The following LSS variants were observed in gnomAD, a reference collection of about 807,000 sequenced individuals.
The protein encoded by LSS is 2,3-epoxysqualene-lanosterol cyclase.
LSS carries 90 observed loss-of-function variants against 110.3 expected under a neutral mutation model. That is an observed-to-expected ratio of 0.82 (90% CI 0.69 to 0.97). The LOEUF (loss-of-function observed/expected upper bound fraction) is 0.97. Ranked by LOEUF, LSS falls within the 50% of genes least tolerant of loss-of-function variation. The pLI is 0.00. For missense variants in LSS, 927 were observed against 990.0 expected, an observed-to-expected ratio of 0.94 and a Z score of 0.85; for synonymous variants, 433 against 400.0, an observed-to-expected ratio of 1.08 and a Z score of -0.98.
rs567962408 is a variant in LSS at position 46,216,414 on chromosome 21, T to C, written c.758A>G (p.Asp253Gly). The C allele has an allele frequency of 5.0e-6, 8 of 1,613,760 alleles. No individual in the cohort carries two copies. Among genetic ancestry groups the C allele is most frequent in the South Asian group, 4.4e-5 (4 of 91,076 alleles). Residue 253 changes from aspartate (D) to glycine (G), a missense_variant, in exon 7 of 22, where the codon GAC becomes GGC. By Grantham distance (94) the Asp-to-Gly change is moderately conservative. Transcript: ENST00000397728. The surrounding 1 kb of genome is among the most constrained non-coding windows in gnomAD (Gnocchi z 4.2). ...CTGGCGGAGGCTCTGGACCAGCGGG[T>C]CTTCCGCGGCACTCAGCCGAACGGC... ...CYAVRLSAAE[D>G]PLVQSLRQEL...
At chr21:46,199,905 A>C (rs529960495) in intron 17 of LSS, among the ~76,000 whole-genome samples, 1 of 152,214 alleles carries the variant, frequency 6.6e-6, no homozygotes, top group Non-Finnish European at 1.5e-5. Flanking sequence ...AGAATGAACA[A>C]CATGAAGAGG....
chr21:46,195,983 C>T (rs1254198454), intron 18 of LSS, among the ~76,000 whole-genome samples: 1 of 152,364 alleles, frequency 6.6e-6, no homozygotes, highest in African/African-American at 2.4e-5. Flanking sequence ...CCCAGCAGCC[C>T]GGCTGCGCCC....
rs538410861 is a variant in LSS, at chr21:46,209,231, G to A, written c.1266+323C>T. Among the ~76,000 whole-genome samples, 6 of 152,256 alleles carry A rather than the reference G, an allele frequency of 3.9e-5. No individual in the cohort carries two copies. The East Asian group carries it at 5.8e-4, about 15-fold the overall frequency. ...GGTGCTTCAGAGACATGGAGGTGCC[G>A]TGTAGGCTGTGCAGCTCAGGGTACA... On this transcript the variant is annotated intron_variant, in intron 13 of 21. Coordinates refer to ENST00000397728, the MANE Select transcript of LSS (RefSeq NM_002340.6). The surrounding 1 kb of genome is among the most constrained non-coding windows in gnomAD (Gnocchi z 4.4).
chr21:46,219,201 G>GC (rs1377814256), intron 6 of LSS, among the ~76,000 whole-genome samples: 1 of 152,154 alleles, frequency 6.6e-6, no homozygotes, highest in East Asian at 1.9e-4. Flanking sequence ...GTCTTCCACA[G>GC]CAAGAGGGAA....
rs538094597 is a variant in LSS, at chr21:46,209,722, C to T, written c.1195-97G>A. ...TGGTCCTGGCCACATCCTGCCCCAA[C>T]CGGGGACCAGAATCAAACCAGCAGA... On this transcript the variant is annotated intron_variant, in intron 12 of 21. Coordinates refer to ENST00000397728, the MANE Select transcript of LSS (RefSeq NM_002340.6). The surrounding 1 kb of genome is among the most constrained non-coding windows in gnomAD (Gnocchi z 4.4). 57 of 1,022,118 alleles carry T rather than the reference C, an allele frequency of 5.6e-5. 1 individual carries two copies. The South Asian group carries it at 8.0e-4, about 14-fold the overall frequency. 63.3% of individuals were successfully genotyped at this position (1,022,118 alleles called of 1,614,324 possible).
chr21:46,209,964 C>G lies in LSS; in HGVS notation c.1195-339G>C, dbSNP rs576277830. ...AGCCCTCAGGGCTCTCCAGAAACAC[C>G]TTCAGAATCCCACCTACCTCATTCC... On this transcript the variant is annotated intron_variant, in intron 12 of 21. Coordinates refer to ENST00000397728, the MANE Select transcript of LSS (RefSeq NM_002340.6). The surrounding 1 kb of genome is among the most constrained non-coding windows in gnomAD (Gnocchi z 4.4). Among the ~76,000 whole-genome samples the G allele has an allele frequency of 5.1e-4, 78 of 152,246 alleles. No individual in the cohort carries two copies. The highest frequency in any genetic ancestry group is 1.9e-3 in the African/African-American group (77 of 41,546).
Position 46,188,502 on chromosome 21 carries a change from T to C in LSS, c.*2602A>G. ...GCAAATATCCCCCTCAGACAGAGGC[T>C]GCACCGGTACAGCTGCCATCTCCTC... On this transcript the variant is annotated 3_prime_UTR_variant, in exon 22 of 22. Coordinates refer to ENST00000397728, the MANE Select transcript of LSS (RefSeq NM_002340.6). 3 of 383,800 alleles carry C rather than the reference T, an allele frequency of 7.8e-6. No homozygotes were observed. The Admixed American group carries it at 9.8e-5, about 13-fold the overall frequency. 23.8% of individuals were successfully genotyped at this position (383,800 alleles called of 1,614,324 possible).
At chr21:46,221,216 C>T (rs1018850066) in intron 5 of LSS, among the ~76,000 whole-genome samples, 4 of 151,968 alleles carry the variant, frequency 2.6e-5, no homozygotes, top group African/African-American at 4.8e-5. Context: ...GAGAGGTAGA[C>T]GATCAGCTTG....
At chr21:46,206,814 C>A in intron 15 of LSS, 46 bp from the exon 16 acceptor site, 1 of 1,435,904 alleles carries the variant, frequency 7.0e-7, no homozygotes, top group Non-Finnish European at 9.7e-7. Context: ...GTGCTGAGCA[C>A]ACACAGGCGC....
chr21:46,195,777 C>T, intron 18 of LSS, 21 bp from the exon 19 acceptor site: 1 of 1,599,630 alleles, frequency 6.3e-7, no homozygotes, highest in Admixed American at 1.7e-5. Context: ...ACAGGGAGAG[C>T]CTCAGCCCTT....
At chr21:46,215,117 G>A in intron 9 of LSS, 63 bp downstream of exon 9, 5 of 1,388,274 alleles carry the variant, frequency 3.6e-6, no homozygotes, top group African/African-American at 1.4e-5. Context: ...CCGGCCTCTA[G>A]GACTTCACTT....
In LSS at chr21:46,209,635, A is replaced by G. The variant is rs752169681; in HGVS notation, c.1195-10T>C. On this transcript the variant is annotated splice_polypyrimidine_tract_variant and intron_variant, in intron 12 of 21. Coordinates refer to ENST00000397728, the MANE Select transcript of LSS (RefSeq NM_002340.6). This position sits in a 1 kb window ranked among gnomAD's most constrained non-coding sequence, Gnocchi z 4.4. ...TGTGGTGCCCGCCCGCCTGGAAGAGACAGCAGGACAGAGAGGCTCAGCTGC... is the reference window on the plus strand; with the variant it reads ...TGTGGTGCCCGCCCGCCTGGAAGAGGCAGCAGGACAGAGAGGCTCAGCTGC... The G allele has an allele frequency of 6.8e-6, 11 of 1,606,068 alleles. No individual in the cohort carries two copies. In the African/African-American group the frequency reaches 1.5e-4, roughly 21 times the overall value.
rs1479324466 is a variant in LSS at position 46,207,494 on chromosome 21, C to T, written c.1401G>A (p.Leu467=). ...CGGTGACATGGGGACACTTCTCCTG[C>T]AGGAGCAGCACAGCCTTCAAGGCCT... The part of the protein sequence containing the change: ...TAEALKAVLL[L]QEKCPHVTEH... Residue 467 remains leucine (L), a synonymous_variant, in exon 15 of 22, where the codon CTG becomes CTA. Coordinates refer to ENST00000397728, the MANE Select transcript of LSS (RefSeq NM_002340.6). 1.8e-5 allele frequency: 29 copies of T among 1,612,362 alleles called. No individual in the cohort carries two copies. The highest frequency in any genetic ancestry group is 2.5e-5 in the Non-Finnish European group (29 of 1,179,498).
At chr21:46,197,587 A>C (rs1383750175) in intron 17 of LSS, among the ~76,000 whole-genome samples, 2 of 152,196 alleles carry the variant, frequency 1.3e-5, no homozygotes, top group African/African-American at 2.4e-5. Flanking sequence ...CAAAACTCCA[A>C]ATTAAAACTG....
chr21:46,215,968 C>A (rs1208688081), intron 7 of LSS, among the ~76,000 whole-genome samples, 175 bp from the exon 8 acceptor site: 1 of 152,128 alleles, frequency 6.6e-6, no homozygotes. Context: ...TATGGGAGGA[C>A]CGCTCTGAGG....
At position 46,196,340 on chromosome 21, in the gene LSS, A is replaced by G. The variant is rs1434866054; in HGVS notation, c.1671-73T>C. On this transcript the variant is annotated intron_variant, in intron 17 of 21. Transcript: ENST00000397728. ...TACCTATCCCAATTCCATCCTTTCC[A>G]GGGTCTCAAAAGAATGAGAATGGTC... The G allele has an allele frequency of 2.4e-6, 3 of 1,237,898 alleles. No individual in the cohort carries two copies. In the African/African-American group the frequency reaches 4.4e-5, roughly 18 times the overall value. The allele number at this position is 1,237,898 out of a possible 1,614,324, so 76.7% of individuals were successfully genotyped here. A position where few individuals can be genotyped will look rare whatever the true frequency, so the allele number is the denominator to read the frequency against.
rs967498924 is a variant in LSS, at chr21:46,205,867, G to A, written c.1639C>T (p.Arg547Cys). 2.0e-5 allele frequency: 33 copies of A among 1,609,926 alleles called. No individual in the cohort carries two copies. In the Middle Eastern group the frequency reaches 4.9e-4, roughly 24 times the overall value. The change falls in exon 17 of 22, where the codon CGT becomes TGT. Residue 547 changes from arginine to cysteine, a missense_variant. By Grantham distance (180) the Arg-to-Cys change is radical (BLOSUM62 -3). Coordinates refer to ENST00000397728, the MANE Select transcript of LSS (RefSeq NM_002340.6). ...VMQALKYFHK[R>C]FPEHRAAEIR... Reference sequence around the variant, plus strand: ...TCCGCTGCCCTGTGCTCCGGGAAACGCTTGTGGAAATACTTAAGCGCCTGC... The same window carrying A: ...TCCGCTGCCCTGTGCTCCGGGAAACACTTGTGGAAATACTTAAGCGCCTGC...
chr21:46,188,848 G>C lies in LSS; in HGVS notation c.*2256C>G, dbSNP rs747251487. 2.2e-6 allele frequency: 1 copy of C among 459,956 alleles called. No homozygotes were observed. The highest frequency in any genetic ancestry group is 2.0e-5 in the African/African-American group (1 of 49,686). 28.5% of individuals were successfully genotyped at this position (459,956 alleles called of 1,614,324 possible). A position where few individuals can be genotyped will look rare whatever the true frequency, so the allele number is the denominator to read the frequency against. ...TGTGAAGGAAAACAATGCAGTGAAA[G>C]AAAGTTCCTCCTATGTGGACATTGT... is the stretch of plus-strand genomic sequence containing the variant. On this transcript the variant is annotated 3_prime_UTR_variant, in exon 22 of 22. Coordinates refer to ENST00000397728, the MANE Select transcript of LSS (RefSeq NM_002340.6).
At chr21:46,213,651 C>A in intron 10 of LSS, 87 bp downstream of exon 10, 1 of 1,199,056 alleles carries the variant, frequency 8.3e-7, no homozygotes, top group Non-Finnish European at 1.2e-6. Context: ...CCAGATGGCA[C>A]CGTGGGGGCC....
Sources: allele counts gnomAD v4.1 joint callset (sites outside exome capture counted in the v4.1 genomes callset), GRCh38; gene constraint gnomAD v4.1.1; non-coding constraint Gnocchi (gnomAD v3.1); transcripts MANE v1.5; gene names NCBI Gene and HGNC (gene_info 2026-07-23, HGNC 2026-07-21).